SETMAR: variants seen among roughly 807,000 people sequenced by gnomAD.
The protein encoded by SETMAR is SET and mariner transposase domain methyltransferase.
Under a neutral mutation model 58.4 loss-of-function variants are expected in SETMAR, and 44 were observed. That is an observed-to-expected ratio of 0.75 (90% confidence interval 0.59 to 0.97). SETMAR has a LOEUF of 0.97. SETMAR is among the 50% of genes least tolerant of loss of function. The probability of loss-of-function intolerance (pLI) is 0.00; values close to 1 mark genes in which losing one functional copy is unlikely to be tolerated. For missense variants in SETMAR, 903 were observed against 840.2 expected, an observed-to-expected ratio of 1.07 and a Z score of -0.92; for synonymous variants, 332 against 307.4, an observed-to-expected ratio of 1.08 and a Z score of -0.84.
chr3:4,313,670 A>G lies in SETMAR; in HGVS notation c.929A>G (p.Lys310Arg), dbSNP rs754391341. 2 of 1,613,894 alleles carry G rather than the reference A, an allele frequency of 1.2e-6. No homozygotes were observed. Among genetic ancestry groups the G allele is most frequent in the African/African-American group, 2.7e-5 (2 of 74,922 alleles). The change falls in exon 2 of 3, where the codon AAG becomes AGG. Residue 310 changes from lysine to arginine, a missense_variant. Lys to Arg is a conservative substitution (Grantham distance 26). Transcript: ENST00000358065. ...AGTTCTCTGTACTGCCCCGTAGAAA[A>G]GTCGAACATCAGTTGTGGAAATGAG... The part of the protein sequence containing the change: ...FDSSLYCPVE[K>R]SNISCGNEKE...
chr3:4,313,138 G>A lies in SETMAR; in HGVS notation c.397G>A (p.Val133Ile), dbSNP rs2125098357. Reference protein sequence around the residue: ...RCSDHCRNRVVQKGLQFHFQV... With the variant: ...RCSDHCRNRVIQKGLQFHFQV... ...CAGTGACCACTGCAGAAACAGAGTGGTCCAGAAAGGTCTACAGTTCCACTT... is the reference window on the plus strand; with the variant it reads ...CAGTGACCACTGCAGAAACAGAGTGATCCAGAAAGGTCTACAGTTCCACTT... The change falls in exon 2 of 3, where the codon GTC becomes ATC. Residue 133 changes from valine to isoleucine, a missense_variant. Coordinates refer to ENST00000358065, the MANE Select transcript of SETMAR (RefSeq NM_006515.4). 4 of 1,614,056 alleles carry A rather than the reference G, an allele frequency of 2.5e-6. No individual in the cohort carries two copies. The Middle Eastern group carries it at 5.0e-4, about 200-fold the overall frequency.
In SETMAR at chr3:4,313,640, T is replaced by A. The variant is rs772196355; in HGVS notation, c.899T>A (p.Phe300Tyr). 44 of 1,613,994 alleles carry A rather than the reference T, an allele frequency of 2.7e-5. No individual in the cohort carries two copies. The highest frequency in any genetic ancestry group is 3.5e-5 in the Non-Finnish European group (41 of 1,180,002). ...GAKSCTAFLPFDSSLYCPVEK... is the reference protein window; with the variant it reads ...GAKSCTAFLPYDSSLYCPVEK... ...AAATCATGTACTGCTTTCCTGCCTTTTGACAGTTCTCTGTACTGCCCCGTA... is the reference window on the plus strand; with the variant it reads ...AAATCATGTACTGCTTTCCTGCCTTATGACAGTTCTCTGTACTGCCCCGTA... The change falls in exon 2 of 3, where the codon TTT becomes TAT. Residue 300 changes from phenylalanine to tyrosine, a missense_variant. Phe to Tyr is a conservative substitution (Grantham distance 22). Coordinates refer to ENST00000358065, the MANE Select transcript of SETMAR (RefSeq NM_006515.4).
chr3:4,313,275 T>C lies in SETMAR; in HGVS notation c.534T>C (p.Val178=). Residue 178 remains valine, a synonymous_variant, in exon 2 of 3, where the codon GTT becomes GTC. Coordinates refer to ENST00000358065, the MANE Select transcript of SETMAR (RefSeq NM_006515.4). ...YAGEVLGFSE[V]QRRIHLQTKS... ...GTGAGGTTTTAGGATTCTCTGAAGT[T>C]CAGAGAAGAATTCACTTACAAACAA... is the stretch of plus-strand genomic sequence containing the variant. 1 of 1,613,962 alleles carries C rather than the reference T, an allele frequency of 6.2e-7. No homozygotes were observed. The highest frequency in any genetic ancestry group is 8.5e-7 in the Non-Finnish European group (1 of 1,179,946).
Position 4,313,004 on chromosome 3 carries a change from C to G in SETMAR, c.263C>G (p.Ser88Cys), listed in dbSNP as rs774809673. 1 of 1,613,960 alleles carries G rather than the reference C, an allele frequency of 6.2e-7. No individual in the cohort carries two copies. The highest frequency in any genetic ancestry group is 8.5e-7 in the Non-Finnish European group (1 of 1,179,930). Reference sequence around the variant, plus strand: ...ACTCCCTGCCTCCCTGGCACTTGCTCCTGTCTCCGCCATGGAGAGAACTAT... The same window carrying G: ...ACTCCCTGCCTCCCTGGCACTTGCTGCTGTCTCCGCCATGGAGAGAACTAT... ...VKTPCLPGTC[S>C]CLRHGENYDD... Residue 88 changes from serine (S) to cysteine (C), a missense_variant, in exon 2 of 3, where the codon TCC becomes TGC. Ser to Cys is a moderately radical substitution (Grantham distance 112, BLOSUM62 -1). Coordinates refer to ENST00000358065, the MANE Select transcript of SETMAR (RefSeq NM_006515.4).
At chr3:4,311,889 G>A (rs185129307) in intron 1 of SETMAR, among the ~76,000 whole-genome samples, 58 of 152,308 alleles carry the variant, frequency 3.8e-4, no homozygotes, top group African/African-American at 1.3e-3. Context: ...GTTCATGAGA[G>A]ATACTTTAAT....
rs571100347 is a variant in SETMAR at position 4,316,195 on chromosome 3, G to A, written c.1021-17G>A. The A allele has an allele frequency of 2.1e-5, 14 of 673,626 alleles. No homozygotes were observed. The East Asian group carries it at 3.8e-4, about 18-fold the overall frequency. 41.7% of individuals were successfully genotyped at this position (673,626 alleles called of 1,614,324 possible). ...TTTTGCTAATGACATCTTACTTGCTGTTTATGTTTATTTTAGACTATGAAA... is the reference window on the plus strand; with the variant it reads ...TTTTGCTAATGACATCTTACTTGCTATTTATGTTTATTTTAGACTATGAAA... On this transcript the variant is annotated splice_polypyrimidine_tract_variant and intron_variant, in intron 2 of 2. Transcript: ENST00000358065.
chr3:4,303,402 C>T lies in SETMAR; in HGVS notation c.32C>T (p.Pro11Leu). 3.8e-6 allele frequency: 6 copies of T among 1,558,874 alleles called. No individual in the cohort carries two copies. The African/African-American group carries it at 7.1e-5, about 18-fold the overall frequency. Residue 11 changes from proline to leucine, a missense_variant, in exon 1 of 3, where the codon CCT becomes CTT. Transcript: ENST00000358065. ...GCGGAAGCGGCAAAGACGACACGGCCTTGTGGGATGGCGGAGTTTAAGGAG... is the reference window on the plus strand; with the variant it reads ...GCGGAAGCGGCAAAGACGACACGGCTTTGTGGGATGGCGGAGTTTAAGGAG... MFAEAAKTTR[P>L]CGMAEFKEKP...
At chr3:4,310,385 A>G (rs1300898633) in intron 1 of SETMAR, among the ~76,000 whole-genome samples, 1 of 152,220 alleles carries the variant, frequency 6.6e-6, no homozygotes, top group Non-Finnish European at 1.5e-5. Context: ...TCATTTTTTA[A>G]GTCATTATCA....
chr3:4,317,180 A>G lies in SETMAR; in HGVS notation c.1989A>G (p.Thr663=). 4 of 1,550,318 alleles carry G rather than the reference A, an allele frequency of 2.6e-6. No individual in the cohort carries two copies. In the South Asian group the frequency reaches 3.6e-5, roughly 14 times the overall value. Reference sequence around the variant, plus strand: ...CCCAAAGCACGGATTTTTACGCTACAGGAATAAACCAACTTATTTCTCGTT... The same window carrying G: ...CCCAAAGCACGGATTTTTACGCTACGGGAATAAACCAACTTATTTCTCGTT... The part of the protein sequence containing the change: ...VESQSTDFYA[T]GINQLISRWQ... The change falls in exon 3 of 3, where the codon ACA becomes ACG. Residue 663 remains threonine (T), a synonymous_variant. Transcript: ENST00000358065.
At chr3:4,304,853 T>C (rs1698120879) in intron 1 of SETMAR, among the ~76,000 whole-genome samples, 1 of 152,156 alleles carries the variant, frequency 6.6e-6, no homozygotes, top group African/African-American at 2.4e-5. Flanking sequence ...TGAGAACATG[T>C]GTCCCAGGTG....
Position 4,313,836 on chromosome 3 carries a change from C to T in SETMAR, c.1020+75C>T, listed in dbSNP as rs745753193. On this transcript the variant is annotated intron_variant, in intron 2 of 2. Coordinates refer to ENST00000358065, the MANE Select transcript of SETMAR (RefSeq NM_006515.4). ...AGTGGTTGGCTAGCTTTACCTCTGC[C>T]TAGTTACATAAGTTTAACTCAGGAA... 4 of 1,591,324 alleles carry T rather than the reference C, an allele frequency of 2.5e-6. No individual in the cohort carries two copies. The African/African-American group carries it at 5.4e-5, about 21-fold the overall frequency.
rs769985031 is a variant in SETMAR, at chr3:4,312,885, A to G, written c.157-13A>G. ...CATGCCGTGCTGACTTACAGTGTGT[A>G]TATTTTTTACAGTACACTCCTGATC... On this transcript the variant is annotated splice_polypyrimidine_tract_variant and intron_variant, in intron 1 of 2. Transcript: ENST00000358065. The G allele has an allele frequency of 3.1e-6, 5 of 1,597,448 alleles. No individual in the cohort carries two copies. Among genetic ancestry groups the G allele is most frequent in the Non-Finnish European group, 4.3e-6 (5 of 1,172,270 alleles).
intron 2 of SETMAR, chr3:4,314,398 T>A (rs1698552459): frequency 6.6e-6 from 1 of 152,658 alleles, no homozygotes; most frequent in African/African-American, 2.4e-5. Flanking sequence ...TTGATTTCTG[T>A]CTGACTCCTG....
chr3:4,312,718 A>AAC lies in SETMAR; in HGVS notation c.157-179_157-178insCA, dbSNP rs1698457189. On this transcript the variant is annotated intron_variant, in intron 1 of 2. Coordinates refer to ENST00000358065, the MANE Select transcript of SETMAR (RefSeq NM_006515.4). ...CCCTGTCTCTTAAAAAAAAAAAAAA[A>AAC]AAACTTGTTTTATTGAAGAGAGATG... 2.6e-5 allele frequency among the ~76,000 whole-genome samples: 4 copies of AAC among 151,654 alleles called. No individual in the cohort carries two copies. The South Asian group carries it at 6.4e-4, about 24-fold the overall frequency.
chr3:4,313,262 G>T lies in SETMAR; in HGVS notation c.521G>T (p.Gly174Val). The T allele has an allele frequency of 6.2e-7, 1 of 1,613,878 alleles. No individual in the cohort carries two copies. Among genetic ancestry groups the T allele is most frequent in the Non-Finnish European group, 8.5e-7 (1 of 1,179,914 alleles). The change falls in exon 2 of 3, where the codon GGA becomes GTA. Residue 174 changes from glycine (G) to valine (V), a missense_variant. Transcript: ENST00000358065. ...TGTGAATATGCTGGTGAGGTTTTAGGATTCTCTGAAGTTCAGAGAAGAATT... is the reference window on the plus strand; with the variant it reads ...TGTGAATATGCTGGTGAGGTTTTAGTATTCTCTGAAGTTCAGAGAAGAATT... The part of the protein sequence containing the change: ...FVCEYAGEVL[G>V]FSEVQRRIHL...
chr3:4,314,692 A>G (rs1329453088), intron 2 of SETMAR, among the ~76,000 whole-genome samples: 2 of 152,178 alleles, frequency 1.3e-5, no homozygotes, highest in Admixed American at 6.5e-5. Context: ...ACAGAAGGAG[A>G]CGGGAGTTTT....
Position 4,306,582 on chromosome 3 carries a change from G to C in SETMAR, c.156+3056G>C, listed in dbSNP as rs140183409. The stretch of plus-strand genomic sequence containing the variant: ...AATAAGACAGGATGCCTTCCTAAGA[G>C]AGCTTATTGTCTTTCTTACCAAGAA... On this transcript the variant is annotated intron_variant, in intron 1 of 2. Coordinates refer to ENST00000358065, the MANE Select transcript of SETMAR (RefSeq NM_006515.4). Among the ~76,000 whole-genome samples, 104 of 152,286 alleles carry C rather than the reference G, an allele frequency of 6.8e-4. 2 individuals are homozygous for C. Among genetic ancestry groups the C allele is most frequent in the African/African-American group, 2.4e-3 (98 of 41,560 alleles).
chr3:4,314,806 T>C (rs1698570994), intron 2 of SETMAR, among the ~76,000 whole-genome samples: 1 of 152,202 alleles, frequency 6.6e-6, no homozygotes, highest in Non-Finnish European at 1.5e-5. Flanking sequence ...TCAGACATTT[T>C]GAAAGCTAAA....
chr3:4,306,047 G>T (rs1293852433), intron 1 of SETMAR, among the ~76,000 whole-genome samples: 1 of 151,614 alleles, frequency 6.6e-6, no homozygotes, highest in Non-Finnish European at 1.5e-5. Context: ...ATGCAAGGTG[G>T]TGGGTTGGGC....
Sources: gnomAD v4.1 joint callset for allele counts (sites outside exome capture counted in the v4.1 genomes callset) on GRCh38, gnomAD v4.1.1 for gene constraint, MANE v1.5 for transcripts, NCBI Gene and HGNC (gene_info 2026-07-23, HGNC 2026-07-21) for gene names.